The following CDH17 variants were observed in gnomAD, a reference collection of about 807,000 sequenced individuals.
CDH17 encodes cadherin-17.
Under a neutral mutation model 86.3 loss-of-function variants are expected in CDH17, and 67 were observed. That is an observed-to-expected ratio of 0.78 (90% CI 0.64 to 0.95). The LOEUF (loss-of-function observed/expected upper bound fraction) is 0.95, where lower values mean the gene tolerates loss of function less well. Ranked by LOEUF, CDH17 falls within the 40% of genes least tolerant of loss-of-function variation. The probability of loss-of-function intolerance (pLI) is 0.00; values close to 1 mark genes in which losing one functional copy is unlikely to be tolerated. For missense variants in CDH17, 993 were observed against 1,017.6 expected (o/e 0.98, Z 0.33); for synonymous variants, 367 against 366.4 (o/e 1.00, Z -0.02).
intron 1 of CDH17, among the ~76,000 whole-genome samples, chr8:94,196,118 CT>C (rs1813782779): frequency 1.3e-5 from 2 of 152,150 alleles, no homozygotes; most frequent in Admixed American, 1.3e-4. Flanking sequence ...ACTTTATTAT[CT>C]CTAGAGATTA....
intron 5 of CDH17, among the ~76,000 whole-genome samples, chr8:94,175,050 A>G (rs555184393): frequency 6.6e-6 from 1 of 152,344 alleles, no homozygotes; most frequent in African/African-American, 2.4e-5. Context: ...AATTATTAAT[A>G]CCAATGGTCA....
At chr8:94,143,655 C>T (rs1194821424) in intron 15 of CDH17, among the ~76,000 whole-genome samples, 3 of 152,206 alleles carry the variant, frequency 2.0e-5, no homozygotes, top group Non-Finnish European at 2.9e-5. Flanking sequence ...TTCTGGATTA[C>T]TTGCTTCTGC....
At chr8:94,172,812 ACAGAGGTG>A (rs1288836126) in intron 7 of CDH17, among the ~76,000 whole-genome samples, 2 of 152,172 alleles carry the variant, frequency 1.3e-5, no homozygotes, top group Non-Finnish European at 2.9e-5. Flanking sequence ...AGCACATGCC[ACAGAGGTG>A]GGGAAGTAGG....
intron 14 of CDH17, among the ~76,000 whole-genome samples, chr8:94,147,183 G>A (rs1812760618): frequency 6.6e-6 from 1 of 152,200 alleles, no homozygotes. Flanking sequence ...GGTGTGCACA[G>A]CATAAAGGCT....
At chr8:94,185,054 G>A (rs1441526930) in intron 3 of CDH17, among the ~76,000 whole-genome samples, 3 of 152,116 alleles carry the variant, frequency 2.0e-5, no homozygotes, top group Admixed American at 2.0e-4. Context: ...TACAAAGATG[G>A]AGAGAGCAAA....
chr8:94,189,030 C>T (rs1488490206), intron 3 of CDH17, among the ~76,000 whole-genome samples, 157 bp downstream of exon 3: 3 of 152,138 alleles, frequency 2.0e-5, no homozygotes, highest in Non-Finnish European at 2.9e-5. Flanking sequence ...ATACTGAGGC[C>T]ACTCATCTCT....
rs141103178 is a variant in CDH17, at chr8:94,130,920, T to C, written c.2240A>G (p.Asn747Ser). The change falls in exon 16 of 18, where the codon AAT (asparagine) becomes AGT (serine). Residue 747 changes from asparagine (N) to serine (S), a missense_variant. Coordinates refer to ENST00000027335, the MANE Select transcript of CDH17 (RefSeq NM_004063.4). ...TTCCAAGGGTGGCCGACCCCCATCA[T>C]TGATGCGGATCAAGACGACATACTC... ...EREYVVLIRI[N>S]DGGRPPLEGI... 13 of 1,611,942 alleles carry C rather than the reference T, an allele frequency of 8.1e-6. No homozygotes were observed. The East Asian group carries it at 1.3e-4, about 17-fold the overall frequency.
At chr8:94,133,684 C>T (rs1173297595) in intron 15 of CDH17, among the ~76,000 whole-genome samples, 8 of 152,166 alleles carry the variant, frequency 5.3e-5, no homozygotes, top group East Asian at 1.9e-4. Flanking sequence ...GCCAGAACTT[C>T]CAACACTGTG....
intron 12 of CDH17, among the ~76,000 whole-genome samples, chr8:94,159,662 AT>A (rs1384156265): frequency 6.6e-6 from 1 of 152,216 alleles, no homozygotes; most frequent in Non-Finnish European, 1.5e-5. Flanking sequence ...GTATAAGTGC[AT>A]CCCAAATATT....
At chr8:94,154,378 A>G (rs1477625030) in intron 12 of CDH17, among the ~76,000 whole-genome samples, 1 of 152,214 alleles carries the variant, frequency 6.6e-6, no homozygotes, top group African/African-American at 2.4e-5. Flanking sequence ...CTCCCAAGAC[A>G]TTCTCAGGTG....
rs1387182561 is a variant in CDH17, at chr8:94,200,532, C to CTTTTTTT, written c.-20-5828_-20-5827insAAAAAAA. 5.6e-4 allele frequency among the ~76,000 whole-genome samples: 28 copies of CTTTTTTT among 50,240 alleles called. 2 individuals carry two copies. The highest frequency in any genetic ancestry group is 2.0e-3 in the African/African-American group (26 of 12,802). The allele number at this position is 50,240 out of a possible 152,430, so 33.0% of individuals were successfully genotyped here. A position where few individuals can be genotyped will look rare whatever the true frequency, so the allele number is the denominator to read the frequency against. On this transcript the variant is annotated intron_variant, in intron 1 of 17. Coordinates refer to ENST00000027335, the MANE Select transcript of CDH17 (RefSeq NM_004063.4). ...TAGATCAGAGGGTTATTATTATTAT[C>CTTTTTTT]TTTTGTTTTTTTTTTTTTTTTTTTT...
At chr8:94,166,839 G>C (rs932644811) in intron 9 of CDH17, among the ~76,000 whole-genome samples, 1 of 152,162 alleles carries the variant, frequency 6.6e-6, no homozygotes, top group African/African-American at 2.4e-5. Context: ...GGGAACACCA[G>C]ATGCCAACAG....
chr8:94,129,045 A>T (rs17788252), intron 17 of CDH17, among the ~76,000 whole-genome samples: 7,376 of 152,270 alleles, frequency 0.048, 257 homozygotes, highest in Middle Eastern at 0.075. Flanking sequence ...AAAAGTCTGG[A>T]TGCTCAGAAA....
At chr8:94,215,377 A>G (rs1412324367) in intron 1 of CDH17, among the ~76,000 whole-genome samples, 1 of 152,248 alleles carries the variant, frequency 6.6e-6, no homozygotes, top group Non-Finnish European at 1.5e-5. Context: ...GCTTAGTGAA[A>G]AAAGTCAGAC....
At chr8:94,129,965 C>A (rs1046030800) in intron 17 of CDH17, among the ~76,000 whole-genome samples, 4 of 152,084 alleles carry the variant, frequency 2.6e-5, no homozygotes, top group Non-Finnish European at 5.9e-5. Flanking sequence ...CTGGAAAAAA[C>A]CCAAAATCTG....
chr8:94,144,239 G>A (rs956668341), intron 15 of CDH17, among the ~76,000 whole-genome samples: 6 of 152,262 alleles, frequency 3.9e-5, no homozygotes, highest in South Asian at 2.1e-4. Flanking sequence ...AACGTACGTC[G>A]ACGTCGCACT....
chr8:94,131,282 T>G (rs1051314436), intron 15 of CDH17, among the ~76,000 whole-genome samples: 2 of 152,220 alleles, frequency 1.3e-5, no homozygotes, highest in African/African-American at 4.8e-5. Context: ...AACACTGAAT[T>G]AATGAATGCT....
At chr8:94,139,982 T>A (rs191014147) in intron 15 of CDH17, among the ~76,000 whole-genome samples, 4 of 152,276 alleles carry the variant, frequency 2.6e-5, no homozygotes, top group Admixed American at 2.0e-4. Flanking sequence ...AGTATTCTAG[T>A]CATGTTTTCT....
intron 2 of CDH17, among the ~76,000 whole-genome samples, chr8:94,190,456 G>A (rs1813665074): frequency 6.6e-6 from 1 of 152,162 alleles, no homozygotes; most frequent in South Asian, 2.1e-4. Flanking sequence ...CCACGGGAAG[G>A]GACAGCCAGT....
Sources: allele counts gnomAD v4.1 joint callset (sites outside exome capture counted in the v4.1 genomes callset), GRCh38; gene constraint gnomAD v4.1.1; transcripts MANE v1.5; gene names NCBI Gene and HGNC (gene_info 2026-07-23, HGNC 2026-07-21).